The following RUNX1 variants were observed in gnomAD, a reference collection of about 807,000 sequenced individuals.
The protein encoded by RUNX1 is runt-related transcription factor 1.
RUNX1 carries 19 observed loss-of-function variants against 42.8 expected under a neutral mutation model. The ratio of observed to expected loss-of-function variants is 0.44; its 90% CI spans 0.31 to 0.65. RUNX1 has a LOEUF of 0.65. Ranked by LOEUF, RUNX1 falls within the 30% of genes least tolerant of loss-of-function variation. The pLI, the probability that RUNX1 is intolerant of heterozygous loss-of-function variation, is 0.07. For synonymous variants in RUNX1, 271 were observed against 289.4 expected, an observed-to-expected ratio of 0.94 and a Z score of 0.64; for missense variants, 528 against 672.0, an observed-to-expected ratio of 0.79 and a Z score of 2.37.
intron 2 of RUNX1, among the ~76,000 whole-genome samples, chr21:34,936,670 CAGAT>C (rs1392393288): frequency 1.3e-5 from 2 of 152,294 alleles, no homozygotes; most frequent in South Asian, 2.1e-4. Flanking sequence ...GAAATATCGA[CAGAT>C]AGAACGCTTA....
At chr21:34,803,654 TTACTG>T (rs1462998078) in intron 7 of RUNX1, among the ~76,000 whole-genome samples, 2 of 152,224 alleles carry the variant, frequency 1.3e-5, no homozygotes, top group African/African-American at 2.4e-5. Context: ...TGCAGCCACT[TTACTG>T]AGGCCATTTT....
chr21:34,982,430 G>T (rs532400863), intron 2 of RUNX1, among the ~76,000 whole-genome samples: 1 of 151,704 alleles, frequency 6.6e-6, no homozygotes, highest in South Asian at 2.1e-4. Flanking sequence ...CGGAAAGAAA[G>T]AGAAAGAAAG....
intron 2 of RUNX1, among the ~76,000 whole-genome samples, chr21:35,025,515 C>G (rs1261049524): frequency 6.6e-6 from 1 of 152,236 alleles, no homozygotes; most frequent in African/African-American, 2.4e-5. Context: ...CTATCCCTGG[C>G]CAGCTCTCTC....
At chr21:35,014,262 C>T (rs1208458752) in intron 2 of RUNX1, among the ~76,000 whole-genome samples, 3 of 152,108 alleles carry the variant, frequency 2.0e-5, no homozygotes, top group Non-Finnish European at 4.4e-5. Context: ...TCTAAGGGTC[C>T]AGTTTTCATG....
intron 2 of RUNX1, among the ~76,000 whole-genome samples, chr21:35,015,203 C>T (rs2059151204): frequency 6.6e-6 from 1 of 152,172 alleles, no homozygotes; most frequent in East Asian, 1.9e-4. Context: ...AACTTCCACA[C>T]CTGTGACGTG....
Position 34,799,419 on chromosome 21 carries a change from C to T in RUNX1, c.849G>A (p.Gln283=), listed in dbSNP as rs1056623039. The T allele has an allele frequency of 6.2e-7, 1 of 1,614,052 alleles. No individual in the cohort carries two copies. Among genetic ancestry groups the T allele is most frequent in the Non-Finnish European group, 8.5e-7 (1 of 1,180,028 alleles). Residue 283 remains glutamine, a synonymous_variant, in exon 8 of 9, where the codon CAG becomes CAA. Coordinates refer to ENST00000675419, the MANE Select transcript of RUNX1 (RefSeq NM_001754.5). ...IQPSPPWSYD[Q]SYQYLGSIAS... is the part of the protein sequence containing the mutation. ...CAATGGATCCCAGGTATTGGTAGGA[C>T]TGATCGTAGGACCACGGTGGGGATG...
intron 2 of RUNX1, among the ~76,000 whole-genome samples, chr21:34,988,973 A>G (rs1457756286): frequency 6.6e-6 from 1 of 150,722 alleles, no homozygotes; most frequent in Non-Finnish European, 1.5e-5. Flanking sequence ...GATCCAGAAC[A>G]TGTGCCTTTG....
At chr21:34,950,418 T>C (rs2058597968) in intron 2 of RUNX1, among the ~76,000 whole-genome samples, 1 of 151,162 alleles carries the variant, frequency 6.6e-6, no homozygotes, top group Non-Finnish European at 1.5e-5. Context: ...AGATTCAAGC[T>C]CTTAACAAGG....
At chr21:34,987,089 A>T (rs1366821533) in intron 2 of RUNX1, among the ~76,000 whole-genome samples, 1 of 152,180 alleles carries the variant, frequency 6.6e-6, no homozygotes, top group Non-Finnish European at 1.5e-5. Flanking sequence ...GCTTGTTCTG[A>T]CTTACGGCTT....
chr21:35,042,156 T>C lies in RUNX1; in HGVS notation c.58+6686A>G, dbSNP rs553464508. Among the ~76,000 whole-genome samples, 10 of 152,326 alleles carry C rather than the reference T, an allele frequency of 6.6e-5. No homozygotes were observed. The South Asian group carries it at 2.1e-3, about 32-fold the overall frequency. ...AGACGCTCAAGTGTGATTTGGGGCT[T>C]TGACACTGAAAATAGGTGTGAACTT... On this transcript the variant is annotated intron_variant, in intron 2 of 8. Coordinates refer to ENST00000675419, the MANE Select transcript of RUNX1 (RefSeq NM_001754.5).
chr21:34,872,034 G>C (rs1053948643), intron 5 of RUNX1, among the ~76,000 whole-genome samples: 1 of 151,970 alleles, frequency 6.6e-6, no homozygotes, highest in African/African-American at 2.4e-5. Context: ...AGTAGAGATG[G>C]GGTTTCACCA....
intron 2 of RUNX1, among the ~76,000 whole-genome samples, chr21:34,986,870 G>A (rs909263730): frequency 3.9e-5 from 6 of 152,238 alleles, no homozygotes; most frequent in Admixed American, 3.3e-4. Context: ...GTGGCAATTT[G>A]TTATGGCAGC....
chr21:34,990,837 C>A (rs1008534374), intron 2 of RUNX1, among the ~76,000 whole-genome samples: 1 of 152,064 alleles, frequency 6.6e-6, no homozygotes, highest in Non-Finnish European at 1.5e-5. Flanking sequence ...GTGATCCACC[C>A]GCCTCGGCCT....
intron 2 of RUNX1, among the ~76,000 whole-genome samples, chr21:34,902,222 A>T (rs7279713): frequency 0.045 from 6,826 of 152,230 alleles, 522 homozygotes; most frequent in African/African-American, 0.16. Flanking sequence ...TTTTTCCTTA[A>T]GCAACTTTTG....
chr21:34,914,265 T>C, intron 2 of RUNX1, among the ~76,000 whole-genome samples: 1 of 152,170 alleles, frequency 6.6e-6, no homozygotes, highest in East Asian at 1.9e-4. Flanking sequence ...ACAGGGAGGA[T>C]TCCCATCAAC....
At chr21:34,985,696 G>A (rs995343080) in intron 2 of RUNX1, among the ~76,000 whole-genome samples, 5 of 152,192 alleles carry the variant, frequency 3.3e-5, no homozygotes, top group Middle Eastern at 3.4e-3. Context: ...GACAGGGACT[G>A]TTATGAATGG....
At chr21:34,937,377 G>A (rs1194509178) in intron 2 of RUNX1, among the ~76,000 whole-genome samples, 1 of 148,450 alleles carries the variant, frequency 6.7e-6, no homozygotes, top group Non-Finnish European at 1.5e-5. Flanking sequence ...CTCCTCCAGT[G>A]ACTCATAGGC....
chr21:34,801,637 CA>C, intron 7 of RUNX1, among the ~76,000 whole-genome samples: 1 of 152,188 alleles, frequency 6.6e-6, no homozygotes. Context: ...ACCCAACCCC[CA>C]CATCAGTTTT....
chr21:35,021,460 A>G (rs1200536376), intron 2 of RUNX1, among the ~76,000 whole-genome samples: 2 of 152,228 alleles, frequency 1.3e-5, no homozygotes, highest in African/African-American at 4.8e-5. Context: ...GAAGCTCCAA[A>G]CATAGTCACT....
Sources: allele counts gnomAD v4.1 joint callset (sites outside exome capture counted in the v4.1 genomes callset), GRCh38; gene constraint gnomAD v4.1.1; transcripts MANE v1.5; gene names NCBI Gene and HGNC (gene_info 2026-07-23, HGNC 2026-07-21).